DOCK2: variants seen among roughly 807,000 people sequenced by gnomAD.
DOCK2 encodes the protein dedicator of cytokinesis protein 2.
In DOCK2, 87 loss-of-function variants were observed where a neutral mutation model predicts 248.9. The observed-to-expected ratio is 0.35, with a 90% CI of 0.29 to 0.42. The LOEUF is 0.42. DOCK2 is among the 10% of genes least tolerant of loss of function. The probability of loss-of-function intolerance (pLI) is 1.00; values close to 1 mark genes in which losing one functional copy is unlikely to be tolerated. For synonymous variants in DOCK2, 805 were observed against 821.6 expected (o/e 0.98, Z 0.35); for missense variants, 1,747 against 2,300.2 (o/e 0.76, Z 4.92).
chr5:169,940,369 C>T (rs1354431102), intron 27 of DOCK2, among the ~76,000 whole-genome samples: 1 of 152,180 alleles, frequency 6.6e-6, no homozygotes, highest in Non-Finnish European at 1.5e-5. Flanking sequence ...GCATCTAATG[C>T]AATGGTCTCC....
At chr5:169,802,247 C>T (rs1767044368) in intron 25 of DOCK2, among the ~76,000 whole-genome samples, 1 of 152,184 alleles carries the variant, frequency 6.6e-6, no homozygotes, top group African/African-American at 2.4e-5. Context: ...CTGCAACCTC[C>T]ATTTCCTGGG....
At chr5:169,868,492 C>T (rs531592262) in intron 27 of DOCK2, among the ~76,000 whole-genome samples, 2 of 152,356 alleles carry the variant, frequency 1.3e-5, no homozygotes, top group Non-Finnish European at 2.9e-5. Context: ...GGCGCAGTGG[C>T]TCATGCCTGT....
intron 27 of DOCK2, among the ~76,000 whole-genome samples, chr5:169,954,836 C>A (rs1776798851): frequency 1.3e-5 from 2 of 152,236 alleles, no homozygotes; most frequent in Admixed American, 1.3e-4. Context: ...TCCACCCAGG[C>A]TGCAAGTGTG....
intron 7 of DOCK2, among the ~76,000 whole-genome samples, chr5:169,682,432 G>A (rs886264884): frequency 6.6e-6 from 1 of 152,228 alleles, no homozygotes; most frequent in Admixed American, 6.5e-5. Context: ...AGCCAAACAA[G>A]GATGAGGTGT....
Position 169,711,037 on chromosome 5 carries a change from G to A in DOCK2, c.1483-898G>A, listed in dbSNP as rs114175918. ...CACTCAGGGAAAGAATGAATTGGCT[G>A]CAGTTACCCATGAGACCCTCAGTTC... On this transcript the variant is annotated intron_variant, in intron 15 of 51. Transcript: ENST00000520908. 2.9e-3 allele frequency among the ~76,000 whole-genome samples: 443 copies of A among 152,292 alleles called. 2 individuals carry two copies. The highest frequency in any genetic ancestry group is 5.0e-3 in the Non-Finnish European group (337 of 68,028).
chr5:169,712,044 C>G lies in DOCK2; in HGVS notation c.1555+37C>G, dbSNP rs76094129. 2,439 of 1,614,056 alleles carry G rather than the reference C, an allele frequency of 1.5e-3. 26 individuals carry two copies. In the African/African-American group the frequency reaches 0.028, roughly 19 times the overall value. On this transcript the variant is annotated intron_variant, in intron 16 of 51. Transcript: ENST00000520908. The stretch of plus-strand genomic sequence containing the variant: ...ACTGAATGGCATCTCTGCACCTCCC[C>G]CTAAGGGGAGAAGAATGGAAGAGCT...
chr5:169,670,630 C>G, intron 4 of DOCK2, 33 bp downstream of exon 4: 1 of 1,610,164 alleles, frequency 6.2e-7, no homozygotes, highest in Non-Finnish European at 8.5e-7. Flanking sequence ...CTTGAGCCTC[C>G]AGTGGCTCAT....
At chr5:169,946,054 T>C (rs1776435392) in intron 27 of DOCK2, among the ~76,000 whole-genome samples, 1 of 152,076 alleles carries the variant, frequency 6.6e-6, no homozygotes. Context: ...TGAGCAAAGC[T>C]CCTCAGAGCC....
At chr5:169,911,976 C>T (rs937603928) in intron 27 of DOCK2, among the ~76,000 whole-genome samples, 1 of 152,142 alleles carries the variant, frequency 6.6e-6, no homozygotes, top group African/African-American at 2.4e-5. Context: ...AAATTGTTCT[C>T]TCTAGAATGA....
chr5:169,715,154 G>A (rs1300735798), intron 19 of DOCK2, among the ~76,000 whole-genome samples: 1 of 152,176 alleles, frequency 6.6e-6, no homozygotes, highest in East Asian at 1.9e-4. Context: ...AATGTCAGAT[G>A]TATTATTGCA....
At chr5:169,963,988 G>T (rs1040761126) in intron 27 of DOCK2, among the ~76,000 whole-genome samples, 1 of 152,124 alleles carries the variant, frequency 6.6e-6, no homozygotes, top group African/African-American at 2.4e-5. Flanking sequence ...CAAGGGGAGG[G>T]AGCAAAAGTC....
intron 27 of DOCK2, among the ~76,000 whole-genome samples, chr5:169,937,710 A>T (rs1363701714): frequency 1.3e-5 from 2 of 152,256 alleles, no homozygotes; most frequent in African/African-American, 4.8e-5. Flanking sequence ...ATTCTCATTT[A>T]GTAACACTTT....
At chr5:169,652,250 A>G (rs1301703437) in intron 1 of DOCK2, among the ~76,000 whole-genome samples, 1 of 152,216 alleles carries the variant, frequency 6.6e-6, no homozygotes, top group Admixed American at 6.5e-5. Flanking sequence ...TGGCAAGCAG[A>G]TCGCAGGTTG....
At position 169,976,595 on chromosome 5, in the gene DOCK2, A is replaced by T. The variant is rs1581495621; in HGVS notation, c.2800-6473A>T. On this transcript the variant is annotated intron_variant, in intron 27 of 51. Transcript: ENST00000520908. ...TCAAGTGATCTCAAAAAGAAAAAAA[A>T]GAAGAAAATTTAAAGTGATTTCACA... Among the ~76,000 whole-genome samples the T allele has an allele frequency of 3.3e-5, 5 of 152,232 alleles. No homozygotes were observed. The South Asian group carries it at 1.0e-3, about 32-fold the overall frequency.
chr5:169,821,570 TAA>T, intron 26 of DOCK2, among the ~76,000 whole-genome samples: 1 of 152,160 alleles, frequency 6.6e-6, no homozygotes, highest in Non-Finnish European at 1.5e-5. Flanking sequence ...AAGCAAATGC[TAA>T]GAGATTTTGT....
At chr5:169,728,830 A>G (rs530175519) in intron 22 of DOCK2, among the ~76,000 whole-genome samples, 2 of 152,292 alleles carry the variant, frequency 1.3e-5, no homozygotes, top group East Asian at 3.9e-4. Context: ...CTTCACTCAT[A>G]GCAAAGCGTA....
At chr5:170,025,956 T>A (rs1028035093) in intron 33 of DOCK2, among the ~76,000 whole-genome samples, 2 of 152,048 alleles carry the variant, frequency 1.3e-5, no homozygotes, top group Non-Finnish European at 2.9e-5. Context: ...GCTCACACCG[T>A]TTCCCCCATC....
chr5:169,744,332 C>T (rs1763487217), intron 22 of DOCK2, among the ~76,000 whole-genome samples: 1 of 152,098 alleles, frequency 6.6e-6, no homozygotes, highest in South Asian at 2.1e-4. Flanking sequence ...AATCTTTTTT[C>T]CTTCCAGTTC....
intron 10 of DOCK2, among the ~76,000 whole-genome samples, chr5:169,696,243 C>T: frequency 6.6e-6 from 1 of 152,178 alleles, no homozygotes; most frequent in East Asian, 1.9e-4. Context: ...AAAAACAATA[C>T]AGGCAGGATC....
Sources: allele counts gnomAD v4.1 joint callset (sites outside exome capture counted in the v4.1 genomes callset), GRCh38; gene constraint gnomAD v4.1.1; transcripts MANE v1.5; gene names NCBI Gene and HGNC (gene_info 2026-07-23, HGNC 2026-07-21).